Variants in AFAP1L2 observed in about 807,000 individuals in gnomAD.
AFAP1L2 encodes actin filament-associated protein 1-like 2.
A neutral mutation model predicts 99.3 loss-of-function variants in AFAP1L2; 46 were observed. The ratio of observed to expected loss-of-function variants is 0.46; its 90% confidence interval spans 0.37 to 0.59. AFAP1L2 has a LOEUF of 0.59. AFAP1L2 is among the 20% of genes least tolerant of loss of function. AFAP1L2 has a pLI of 0.00. For synonymous variants in AFAP1L2, 397 were observed against 419.1 expected, an observed-to-expected ratio of 0.95 and a Z score of 0.64; for missense variants, 959 against 1,034.9, an observed-to-expected ratio of 0.93 and a Z score of 1.01.
rs185015833 is a variant in AFAP1L2, at chr10:114,315,668, G to T, written c.504C>A (p.Ala168=). The T allele has an allele frequency of 8.1e-6, 13 of 1,613,836 alleles. No homozygotes were observed. The East Asian group carries it at 2.2e-4, about 28-fold the overall frequency. ...SAPYQWPSPE[A]GIELMRDARI... is the part of the protein sequence containing the mutation. ...GGGCGTCACGCATCAGCTCGATGCC[G>T]GCCTCCGGCGAGGGCCACTGGTAAG... Residue 168 remains alanine, a synonymous_variant, in exon 6 of 19, where the codon GCC becomes GCA. Coordinates refer to ENST00000304129, the MANE Select transcript of AFAP1L2 (RefSeq NM_001001936.3).
At chr10:114,282,833 C>T in the AFAP1L2 span, among the ~76,000 whole-genome samples, 2 of 152,144 alleles carry the variant, frequency 1.3e-5, no homozygotes, top group Non-Finnish European at 2.9e-5. Context: ...AGGCAGGCAC[C>T]GAGCACCAGC....
chr10:114,299,515 A>G, intron 15 of AFAP1L2, 100 bp from the exon 16 acceptor site: 1 of 1,446,098 alleles, frequency 6.9e-7, no homozygotes, highest in South Asian at 1.3e-5. Flanking sequence ...GGGCTTTGGC[A>G]CAAAGCCCTG....
intron 1 of AFAP1L2, among the ~76,000 whole-genome samples, chr10:114,371,812 TA>T (rs1376274632): frequency 1.1e-5 from 1 of 87,004 alleles, no homozygotes; most frequent in East Asian, 3.8e-4. Flanking sequence ...AGTACAATTA[TA>T]AAAAAAATAA....
the AFAP1L2 span, chr10:114,285,902 C>T: frequency 1.9e-6 from 3 of 1,544,970 alleles, no homozygotes; most frequent in Middle Eastern, 1.8e-4. Context: ...GCCGCATGAC[C>T]ATGGCTTGAC....
Position 114,313,862 on chromosome 10 carries a change from C to A in AFAP1L2, c.792+9G>T. 1 of 1,589,628 alleles carries A rather than the reference C, an allele frequency of 6.3e-7. No homozygotes were observed. The highest frequency in any genetic ancestry group is 8.6e-7 in the Non-Finnish European group (1 of 1,165,918). On this transcript the variant is annotated intron_variant, in intron 7 of 18. Transcript: ENST00000304129. ...GGAACCCCTCCAAGTGGCTCGGTGTCGCCCTCACCCTGAGCCACTGCTCAG... is the reference window on the plus strand; with the variant it reads ...GGAACCCCTCCAAGTGGCTCGGTGTAGCCCTCACCCTGAGCCACTGCTCAG...
intron 5 of AFAP1L2, among the ~76,000 whole-genome samples, chr10:114,319,175 C>G (rs7083103): frequency 0.031 from 4,657 of 152,144 alleles, 217 homozygotes; most frequent in African/African-American, 0.1. Flanking sequence ...AAAACAAAAA[C>G]AGTATGATAT....
intron 16 of AFAP1L2, among the ~76,000 whole-genome samples, chr10:114,298,039 A>G (rs2133921033): frequency 6.6e-6 from 1 of 152,336 alleles, no homozygotes; most frequent in South Asian, 2.1e-4. Flanking sequence ...GAGGGAAGGA[A>G]AAGAAAACGT....
At chr10:114,304,344 TC>T (rs1332935772) in intron 11 of AFAP1L2, among the ~76,000 whole-genome samples, 1 of 152,080 alleles carries the variant, frequency 6.6e-6, no homozygotes, top group East Asian at 1.9e-4. Flanking sequence ...GCGAATTTTT[TC>T]CCCCAGATAA....
chr10:114,333,475 G>C (rs1185184002), intron 2 of AFAP1L2, among the ~76,000 whole-genome samples, 180 bp from the exon 3 acceptor site: 1 of 152,198 alleles, frequency 6.6e-6, no homozygotes, highest in Non-Finnish European at 1.5e-5. Flanking sequence ...TTCCAAAAGA[G>C]AAATGGCAAG....
chr10:114,402,610 C>T (rs2058328275), intron 1 of AFAP1L2, among the ~76,000 whole-genome samples: 2 of 152,122 alleles, frequency 1.3e-5, no homozygotes, highest in East Asian at 1.9e-4. Flanking sequence ...AACGAAGTTC[C>T]CTTCAGTTGG....
At chr10:114,281,514 T>C in the AFAP1L2 span, among the ~76,000 whole-genome samples, 1 of 152,238 alleles carries the variant, frequency 6.6e-6, no homozygotes, top group Non-Finnish European at 1.5e-5. Flanking sequence ...TTCAGGTAGC[T>C]GTGGTTCATG....
Position 114,295,190 on chromosome 10 carries a change from T to C in AFAP1L2, c.*852A>G. 5 of 985,752 alleles carry C rather than the reference T, an allele frequency of 5.1e-6. No individual in the cohort carries two copies. Among genetic ancestry groups the C allele is most frequent in the Non-Finnish European group, 6.0e-6 (5 of 829,868 alleles). 61.1% of individuals were successfully genotyped at this position (985,752 alleles called of 1,614,324 possible). On this transcript the variant is annotated 3_prime_UTR_variant, in exon 19 of 19. Coordinates refer to ENST00000304129, the MANE Select transcript of AFAP1L2 (RefSeq NM_001001936.3). Reference sequence around the variant, plus strand: ...AGAGACTATTTATATTAAATAACTCTTCCCTTAAAAATGGCCTGACCACAG... The same window carrying C: ...AGAGACTATTTATATTAAATAACTCCTCCCTTAAAAATGGCCTGACCACAG...
chr10:114,296,349 G>T (rs564131931), intron 18 of AFAP1L2: 1 of 461,834 alleles, frequency 2.2e-6, no homozygotes. Flanking sequence ...AGCCATTGTT[G>T]TGGGACCTCC....
intron 1 of AFAP1L2, among the ~76,000 whole-genome samples, chr10:114,379,212 CA>C (rs35288351): frequency 9.0e-4 from 129 of 143,122 alleles, no homozygotes; most frequent in Middle Eastern, 3.7e-3. Flanking sequence ...GACTCTGTCT[CA>C]AAAAAAAAAA....
At chr10:114,308,307 T>A in intron 9 of AFAP1L2, 126 bp downstream of exon 9, 2 of 758,544 alleles carry the variant, frequency 2.6e-6, no homozygotes, top group South Asian at 3.6e-5. Context: ...CTAACAGCAG[T>A]ATTTCCGAGT....
At chr10:114,401,953 A>G (rs1043282350) in intron 1 of AFAP1L2, among the ~76,000 whole-genome samples, 5 of 152,238 alleles carry the variant, frequency 3.3e-5, no homozygotes, top group African/African-American at 1.2e-4. Flanking sequence ...GAAGACAGCC[A>G]TGAGGCATTT....
At chr10:114,315,088 C>A (rs187816374) in intron 6 of AFAP1L2, among the ~76,000 whole-genome samples, 3,269 of 152,236 alleles carry the variant, frequency 0.021, 119 homozygotes, top group African/African-American at 0.073. Context: ...TTGCAGTGAG[C>A]CAAGATTGCG....
At chr10:114,402,838 A>C (rs1268819995) in intron 1 of AFAP1L2, among the ~76,000 whole-genome samples, 2 of 152,270 alleles carry the variant, frequency 1.3e-5, no homozygotes, top group African/African-American at 4.8e-5. Flanking sequence ...CCTACAACTA[A>C]CACCACCCCC....
At chr10:114,375,222 C>A (rs1202404069) in intron 1 of AFAP1L2, among the ~76,000 whole-genome samples, 1 of 152,118 alleles carries the variant, frequency 6.6e-6, no homozygotes, top group African/African-American at 2.4e-5. Context: ...TGGAACACAG[C>A]CATGCACTTT....
Sources: gnomAD v4.1 joint callset for allele counts (sites outside exome capture counted in the v4.1 genomes callset) on GRCh38, gnomAD v4.1.1 for gene constraint, MANE v1.5 for transcripts, NCBI Gene and HGNC (gene_info 2026-07-23, HGNC 2026-07-21) for gene names.